CTNNA3: variants seen among roughly 807,000 people sequenced by gnomAD.
The protein encoded by CTNNA3 is catenin alpha 3, also known as catenin alpha-3.
CTNNA3 carries 76 observed loss-of-function variants against 95.7 expected under a neutral mutation model. That is an observed-to-expected ratio of 0.79 (90% CI 0.66 to 0.96). The LOEUF is 0.96. Among genes scored for constraint, CTNNA3 ranks in the 40% least tolerant of loss-of-function variants. CTNNA3 has a pLI of 0.00. For missense variants in CTNNA3, 1,191 were observed against 1,089.8 expected, an observed-to-expected ratio of 1.09 and a Z score of -1.31; for synonymous variants, 431 against 374.4, an observed-to-expected ratio of 1.15 and a Z score of -1.74.
At chr10:66,814,834 A>G (rs1842012709) in intron 7 of CTNNA3, among the ~76,000 whole-genome samples, 1 of 150,148 alleles carries the variant, frequency 6.7e-6, no homozygotes, top group Non-Finnish European at 1.5e-5. Context: ...CTTTTGTAAC[A>G]TATAAAAGTT....
At chr10:67,136,700 T>C (rs1034307663) in intron 7 of CTNNA3, among the ~76,000 whole-genome samples, 1 of 152,112 alleles carries the variant, frequency 6.6e-6, no homozygotes, top group Admixed American at 6.6e-5. Flanking sequence ...GAAGGTAACA[T>C]AAGCTTCCTC....
chr10:67,372,766 A>C (rs1843528803), intron 5 of CTNNA3, among the ~76,000 whole-genome samples: 1 of 152,264 alleles, frequency 6.6e-6, no homozygotes, highest in African/African-American at 2.4e-5. Context: ...CATCAGACTA[A>C]CAGCAGATCT....
chr10:66,773,849 G>A (rs1296556627), intron 8 of CTNNA3, among the ~76,000 whole-genome samples: 1 of 152,134 alleles, frequency 6.6e-6, no homozygotes, highest in Non-Finnish European at 1.5e-5. Context: ...ATGGTAGTGA[G>A]GTGGAAATAC....
rs1427719185 is a variant in CTNNA3, at chr10:66,685,206, CGTATATATAT to C, written c.1282-63432_1282-63423del. Among the ~76,000 whole-genome samples the C allele has an allele frequency of 1.3e-4, 15 of 116,888 alleles. 1 individual carries two copies. The highest frequency in any genetic ancestry group is 2.4e-4 in the African/African-American group (8 of 33,526). The allele number at this position is 116,888 out of a possible 152,430, so 76.7% of individuals were successfully genotyped here. A position where few individuals can be genotyped will look rare whatever the true frequency, so the allele number is the denominator to read the frequency against. On this transcript the variant is annotated intron_variant, in intron 9 of 17. Transcript: ENST00000433211. ...ATATATATACGTGTATATATATATA[CGTATATATAT>C]GTGTATATATATACGTATATATGTG...
intron 17 of CTNNA3, among the ~76,000 whole-genome samples, chr10:65,957,067 T>C (rs1490122351): frequency 6.6e-6 from 1 of 152,174 alleles, no homozygotes; most frequent in African/African-American, 2.4e-5. Context: ...TGAGTCTGGG[T>C]GCTTCTGTAT....
chr10:67,019,202 C>T (rs1852838049), intron 7 of CTNNA3, among the ~76,000 whole-genome samples: 1 of 152,064 alleles, frequency 6.6e-6, no homozygotes, highest in African/African-American at 2.4e-5. Context: ...TGCCACTTTT[C>T]TTTTTTTAAT....
At chr10:66,920,560 C>A (rs1846737353) in intron 7 of CTNNA3, among the ~76,000 whole-genome samples, 2 of 152,148 alleles carry the variant, frequency 1.3e-5, no homozygotes, top group African/African-American at 4.8e-5. Flanking sequence ...TTTTGCAAAT[C>A]ATTTCATAAC....
At chr10:67,312,045 GC>G (rs1442888382) in intron 5 of CTNNA3, among the ~76,000 whole-genome samples, 3 of 150,438 alleles carry the variant, frequency 2.0e-5, no homozygotes, top group Non-Finnish European at 4.4e-5. Context: ...AGTCTGCAAG[GC>G]TTGTGAAAAA....
At chr10:66,752,791 T>C (rs997792577) in intron 9 of CTNNA3, among the ~76,000 whole-genome samples, 32 of 152,016 alleles carry the variant, frequency 2.1e-4, no homozygotes, top group Admixed American at 9.2e-4. Context: ...GGAAGAAGTA[T>C]AGCTATATTC....
At chr10:66,329,578 G>GA (rs34732600) in intron 12 of CTNNA3, among the ~76,000 whole-genome samples, 4 of 149,628 alleles carry the variant, frequency 2.7e-5, no homozygotes, top group Non-Finnish European at 5.9e-5. Context: ...ATGTTTCAGG[G>GA]AAAAAAAAAA....
intron 11 of CTNNA3, among the ~76,000 whole-genome samples, chr10:66,474,304 C>A (rs1022362571): frequency 1.3e-5 from 2 of 152,038 alleles, no homozygotes; most frequent in African/African-American, 2.4e-5. Context: ...TGAGATCATG[C>A]AGTATTTGTC....
At chr10:66,406,894 T>C (rs1348933450) in intron 11 of CTNNA3, among the ~76,000 whole-genome samples, 3 of 152,300 alleles carry the variant, frequency 2.0e-5, no homozygotes, top group South Asian at 2.1e-4. Context: ...ATCTTCCTCA[T>C]AGCAAAAGCA....
chr10:67,677,777 A>G (rs938029567), intron 1 of CTNNA3, among the ~76,000 whole-genome samples: 3 of 152,168 alleles, frequency 2.0e-5, no homozygotes, highest in African/African-American at 7.2e-5. Context: ...AGAAAGCCCC[A>G]AAAGAGAAGG....
At chr10:66,612,871 C>A (rs1844375507) in intron 10 of CTNNA3, among the ~76,000 whole-genome samples, 3 of 152,046 alleles carry the variant, frequency 2.0e-5, no homozygotes, top group Admixed American at 2.0e-4. Context: ...CTCCCTGTGT[C>A]CCCTGACATG....
intron 12 of CTNNA3, among the ~76,000 whole-genome samples, chr10:66,299,995 C>T (rs542165031): frequency 6.6e-6 from 1 of 152,154 alleles, no homozygotes; most frequent in Admixed American, 6.5e-5. Context: ...CAGGTATAAG[C>T]AATTCTCCTG....
At chr10:67,417,179 A>G (rs1294419060) in intron 5 of CTNNA3, among the ~76,000 whole-genome samples, 1 of 152,196 alleles carries the variant, frequency 6.6e-6, no homozygotes, top group Non-Finnish European at 1.5e-5. Context: ...TCATAATCCT[A>G]AGCAAATTAA....
chr10:66,736,001 T>C (rs1231118423), intron 9 of CTNNA3, among the ~76,000 whole-genome samples: 1 of 152,144 alleles, frequency 6.6e-6, no homozygotes, highest in Non-Finnish European at 1.5e-5. Flanking sequence ...CGGCTGATCC[T>C]TCAGTCAGCA....
At chr10:66,639,600 G>T (rs963174336) in intron 9 of CTNNA3, among the ~76,000 whole-genome samples, 3 of 152,034 alleles carry the variant, frequency 2.0e-5, no homozygotes, top group African/African-American at 7.3e-5. Context: ...ATATTTTAGA[G>T]TATGACTCAA....
At chr10:66,751,862 T>A (rs1211412487) in intron 9 of CTNNA3, among the ~76,000 whole-genome samples, 4 of 152,186 alleles carry the variant, frequency 2.6e-5, no homozygotes, top group African/African-American at 9.6e-5. Flanking sequence ...AATGGATTTA[T>A]GTAGTATAAA....
Sources: gnomAD v4.1 joint callset for allele counts (sites outside exome capture counted in the v4.1 genomes callset) on GRCh38, gnomAD v4.1.1 for gene constraint, MANE v1.5 for transcripts, NCBI Gene and HGNC (gene_info 2026-07-23, HGNC 2026-07-21) for gene names.